PES1: variants seen among roughly 807,000 people sequenced by gnomAD.
PES1 encodes pescadillo ribosomal biogenesis factor 1, also known as pescadillo homolog.
Under a neutral mutation model 77.1 loss-of-function variants are expected in PES1, and 31 were observed. That is an observed-to-expected ratio of 0.40 (90% confidence interval 0.30 to 0.54). The LOEUF is 0.54. Among genes scored for constraint, PES1 ranks in the 20% least tolerant of loss-of-function variants. PES1 has a pLI of 0.45. For synonymous variants in PES1, 282 were observed against 303.0 expected (o/e 0.93, Z 0.72); for missense variants, 658 against 771.7 (o/e 0.85, Z 1.75).
At chr22:30,581,955 G>A (rs1448804383) in intron 6 of PES1, among the ~76,000 whole-genome samples, 2 of 152,202 alleles carry the variant, frequency 1.3e-5, no homozygotes, top group African/African-American at 4.8e-5. Flanking sequence ...CTGCTGCTCC[G>A]AAGACTGGCT....
chr22:30,590,184 T>C (rs935425646), intron 1 of PES1, among the ~76,000 whole-genome samples: 2 of 152,216 alleles, frequency 1.3e-5, no homozygotes, highest in Non-Finnish European at 2.9e-5. Flanking sequence ...TATTGTCTTG[T>C]ATAACCATCT....
At chr22:30,596,687 G>A (rs2087256900), upstream of PES1, among the ~76,000 whole-genome samples, 1 of 152,234 alleles carries the variant, frequency 6.6e-6, no homozygotes, top group South Asian at 2.1e-4. Flanking sequence ...ACTGAGAGAT[G>A]ATGCGTGCTG....
intron 2 of PES1, among the ~76,000 whole-genome samples, chr22:30,602,438 CTT>C (rs60067454): frequency 1.4e-5 from 2 of 142,696 alleles, no homozygotes; most frequent in African/African-American, 2.6e-5. Context: ...AAAACTAATA[CTT>C]TTTTTTTTTT....
At chr22:30,587,491 A>C in intron 3 of PES1, 96 bp from the exon 4 acceptor site, 1 of 899,386 alleles carries the variant, frequency 1.1e-6, no homozygotes, top group South Asian at 1.5e-5. Flanking sequence ...AAGGACTCTC[A>C]TGCCTCCTGA....
chr22:30,602,694 CT>C (rs1273433245), intron 2 of PES1, among the ~76,000 whole-genome samples: 1 of 151,958 alleles, frequency 6.6e-6, no homozygotes, highest in East Asian at 1.9e-4. Context: ...ATGGACTATG[CT>C]TTAGGTGTTG....
intron 2 of PES1, among the ~76,000 whole-genome samples, chr22:30,600,463 G>T (rs375037429): frequency 6.6e-6 from 1 of 152,026 alleles, no homozygotes; most frequent in Non-Finnish European, 1.5e-5. Context: ...TGTGAGCATC[G>T]CTTGAACTCG....
intron 1 of PES1, among the ~76,000 whole-genome samples, chr22:30,590,678 AG>A (rs1341283891): frequency 1.3e-5 from 2 of 151,964 alleles, no homozygotes; most frequent in Non-Finnish European, 2.9e-5. Flanking sequence ...TGCTGGGGGG[AG>A]GAGAGTTCAG....
At chr22:30,596,670 CTG>C (rs1319928453), upstream of PES1, among the ~76,000 whole-genome samples, 1 of 152,228 alleles carries the variant, frequency 6.6e-6, no homozygotes, top group African/African-American at 2.4e-5. Context: ...ACCGATGACT[CTG>C]TAGTACTGAG....
intron 6 of PES1, among the ~76,000 whole-genome samples, chr22:30,583,812 T>C (rs552393014): frequency 6.6e-6 from 1 of 152,330 alleles, no homozygotes; most frequent in African/African-American, 2.4e-5. Context: ...ACATGCTAAG[T>C]GCTTCTCCTG....
intron 2 of PES1, among the ~76,000 whole-genome samples, chr22:30,598,885 A>ATTTGTTTTTTTTTTT (rs2087308627): frequency 2.0e-5 from 1 of 51,190 alleles, no homozygotes; most frequent in Non-Finnish European, 3.4e-5. Flanking sequence ...CTTAAGTAAA[A>ATTTGTTTTTTTTTTT]TTTTTTTTTT....
At chr22:30,591,759 G>T in intron 1 of PES1, 51 bp downstream of exon 1, 1 of 1,540,946 alleles carries the variant, frequency 6.5e-7, no homozygotes, top group Non-Finnish European at 8.8e-7. Context: ...CCCATGCTCT[G>T]CCGCCCCCGC....
intron 14 of PES1, 22 bp downstream of exon 14, chr22:30,578,815 C>T (rs537307477): frequency 6.2e-7 from 1 of 1,611,584 alleles, no homozygotes; most frequent in Admixed American, 1.7e-5. Context: ...ACCTGGATCT[C>T]AAGTGGGTGG....
intron 4 of PES1, chr22:30,585,440 T>G (rs1396843998): frequency 4.6e-6 from 2 of 433,968 alleles, no homozygotes; most frequent in African/African-American, 2.0e-5. Flanking sequence ...TGGATTCCAG[T>G]CCCGGTCTGA....
intron 2 of PES1, chr22:30,598,437 T>TA (rs1003286268): frequency 0.013 from 1,919 of 148,158 alleles, 49 homozygotes; most frequent in African/African-American, 0.043. Context: ...GTAAAACCCG[T>TA]AAAAAAAAAA....
chr22:30,598,228 C>T (rs1469103064), intron 2 of PES1: 2 of 152,088 alleles, frequency 1.3e-5, no homozygotes, highest in African/African-American at 4.8e-5. Flanking sequence ...TTCACTGCTG[C>T]AACCAGCGAG....
At chr22:30,600,399 T>G (rs1366409725) in intron 2 of PES1, among the ~76,000 whole-genome samples, 2 of 152,274 alleles carry the variant, frequency 1.3e-5, no homozygotes, top group East Asian at 3.9e-4. Context: ...TAAAGAACTC[T>G]TGGCCAGGCG....
Position 30,591,849 on chromosome 22 carries a change from A to G in PES1, c.-16T>C, listed in dbSNP as rs2087183051. Reference sequence around the variant, plus strand: ...GGCCTCCCATCGCTCCACGTTGAGGAGCCGACTAGGGCCGCGCGTACAGGG... The same window carrying G: ...GGCCTCCCATCGCTCCACGTTGAGGGGCCGACTAGGGCCGCGCGTACAGGG... On this transcript the variant is annotated 5_prime_UTR_variant, in exon 1 of 15. Coordinates refer to ENST00000354694, the MANE Select transcript of PES1 (RefSeq NM_014303.4). The G allele has an allele frequency of 6.4e-7, 1 of 1,553,050 alleles. No homozygotes were observed. Among genetic ancestry groups the G allele is most frequent in the Non-Finnish European group, 8.7e-7 (1 of 1,149,342 alleles).
chr22:30,585,392 G>C (rs571967177), intron 4 of PES1: 11 of 468,444 alleles, frequency 2.3e-5, no homozygotes, highest in Non-Finnish European at 4.9e-5. Context: ...CAGAGGCATG[G>C]GTCACAGAGA....
intron 4 of PES1, chr22:30,585,331 GC>G (rs2087064981): frequency 1.5e-5 from 7 of 471,428 alleles, no homozygotes; most frequent in South Asian, 1.1e-4. Context: ...AAATGACGAA[GC>G]CAACAAGGAT....
Sources: allele counts gnomAD v4.1 joint callset (sites outside exome capture counted in the v4.1 genomes callset), GRCh38; gene constraint gnomAD v4.1.1; transcripts MANE v1.5; gene names NCBI Gene and HGNC (gene_info 2026-07-23, HGNC 2026-07-21).